The following ANXA11 variants were observed in gnomAD, a reference collection of about 807,000 sequenced individuals.
The protein encoded by ANXA11 is 56 kDa autoantigen.
Under a neutral mutation model 64.7 loss-of-function variants are expected in ANXA11, and 57 were observed. The ratio of observed to expected loss-of-function variants is 0.88; its 90% CI spans 0.71 to 1.10. ANXA11 has a LOEUF of 1.10. ANXA11 is among the 50% of genes least tolerant of loss of function. ANXA11 has a pLI of 0.00. For synonymous variants in ANXA11, 260 were observed against 265.2 expected (o/e 0.98, Z 0.19); for missense variants, 675 against 670.7 (o/e 1.01, Z -0.07).
chr10:80,162,031 GGA>G lies in ANXA11; in HGVS notation c.1087-5_1087-4del. The G allele has an allele frequency of 1.9e-6, 3 of 1,608,684 alleles. No homozygotes were observed. The highest frequency in any genetic ancestry group is 2.5e-6 in the Non-Finnish European group (3 of 1,178,656). ...TTCTCCCCGGCCGCATACAGCTCCT[GGA>G]GAGAGAGGAAGACGCACATGTGGCA... On this transcript the variant is annotated splice_polypyrimidine_tract_variant and splice_region_variant and intron_variant, in intron 11 of 15. Coordinates refer to ENST00000422982, the MANE Select transcript of ANXA11 (RefSeq NM_145868.2).
intron 1 of ANXA11, among the ~76,000 whole-genome samples, chr10:80,188,188 G>A (rs1055793044): frequency 4.6e-5 from 7 of 151,568 alleles, no homozygotes; most frequent in African/African-American, 1.7e-4. Context: ...ACACTCCCCC[G>A]TCAAGGGCCC....
rs2132483351 is a variant in ANXA11 at position 80,191,847 on chromosome 10, G to C, written c.-58+13496C>G. ...CAACCGGATGCCAGAGGCCAGCTCAGCACCTCAGAGACGACTCAGTTCACT... is the reference window on the plus strand; with the variant it reads ...CAACCGGATGCCAGAGGCCAGCTCACCACCTCAGAGACGACTCAGTTCACT... On this transcript the variant is annotated intron_variant, in intron 1 of 15. Coordinates refer to ENST00000422982, the MANE Select transcript of ANXA11 (RefSeq NM_145868.2). Among the ~76,000 whole-genome samples the C allele has an allele frequency of 2.0e-5, 3 of 152,318 alleles. No homozygotes were observed. The South Asian group carries it at 6.2e-4, about 32-fold the overall frequency.
chr10:80,185,779 G>A (rs1846515096), intron 1 of ANXA11, among the ~76,000 whole-genome samples: 1 of 152,200 alleles, frequency 6.6e-6, no homozygotes, highest in African/African-American at 2.4e-5. Flanking sequence ...GAATGGCTGA[G>A]CCAGGCAGTC....
intron 1 of ANXA11, among the ~76,000 whole-genome samples, chr10:80,196,482 C>T (rs1840175886): frequency 1.3e-5 from 2 of 152,134 alleles, no homozygotes; most frequent in South Asian, 2.1e-4. Context: ...TTACGTAGGC[C>T]CCAGGAATTC....
At position 80,153,249 on chromosome 10, in the gene ANXA11, G is replaced by A. The variant is rs1013399506; in HGVS notation, c.*2604C>T. On this transcript the variant is annotated 3_prime_UTR_variant, in exon 16 of 16. Coordinates refer to ENST00000422982, the MANE Select transcript of ANXA11 (RefSeq NM_145868.2). ...GCAAATAAGGAGTACAGGCCTAAAG[G>A]GGCAGCTGCAACTCAGCTCCAGCCA... 6.6e-6 allele frequency: 1 copy of A among 152,142 alleles called. No individual in the cohort carries two copies. The highest frequency in any genetic ancestry group is 6.6e-5 in the Admixed American group (1 of 15,266). 9.4% of individuals were successfully genotyped at this position (152,142 alleles called of 1,614,324 possible). A position where few individuals can be genotyped will look rare whatever the true frequency, so the allele number is the denominator to read the frequency against.
intron 1 of ANXA11, among the ~76,000 whole-genome samples, chr10:80,196,600 G>T (rs1053157231): frequency 6.6e-6 from 1 of 152,156 alleles, no homozygotes; most frequent in Admixed American, 6.5e-5. Context: ...CTACTGAGAA[G>T]GGGGTGGGGG....
At chr10:80,155,974 G>A in intron 15 of ANXA11, 62 bp from the exon 16 acceptor site, 2 of 1,541,242 alleles carry the variant, frequency 1.3e-6, no homozygotes, top group Non-Finnish European at 1.8e-6. Context: ...AGCCTTCTGG[G>A]TCCTGATATT....
chr10:80,193,221 C>A (rs978414006), intron 1 of ANXA11, among the ~76,000 whole-genome samples: 1 of 152,062 alleles, frequency 6.6e-6, no homozygotes, highest in Non-Finnish European at 1.5e-5. Flanking sequence ...TTTATGGTCA[C>A]AATAATGCAT....
At chr10:80,166,466 G>T in intron 7 of ANXA11, 1 of 454,298 alleles carries the variant, frequency 2.2e-6, no homozygotes, top group Non-Finnish European at 4.0e-6. Flanking sequence ...AATATTTACC[G>T]AATTTTTATC....
chr10:80,189,058 C>T (rs1428819373), intron 1 of ANXA11, among the ~76,000 whole-genome samples: 1 of 152,128 alleles, frequency 6.6e-6, no homozygotes. Context: ...CCTGTGAATG[C>T]GTTACTTTAG....
chr10:80,164,293 G>C (rs1368635443), intron 8 of ANXA11, 150 bp from the exon 9 acceptor site: 2 of 608,550 alleles, frequency 3.3e-6, no homozygotes, highest in Admixed American at 2.8e-5. Flanking sequence ...TCCCAGGCTC[G>C]AGGGCATCAG....
chr10:80,204,349 G>A (rs1364361035), intron 1 of ANXA11, among the ~76,000 whole-genome samples: 1 of 152,248 alleles, frequency 6.6e-6, no homozygotes, highest in Non-Finnish European at 1.5e-5. Flanking sequence ...AAAGGAATGA[G>A]GAAAGCAATG....
At chr10:80,178,714 G>A (rs1027071899) in intron 1 of ANXA11, among the ~76,000 whole-genome samples, 1 of 152,242 alleles carries the variant, frequency 6.6e-6, no homozygotes, top group South Asian at 2.1e-4. Flanking sequence ...GGCCCAAAAA[G>A]TTGCATTTCC....
intron 13 of ANXA11, 79 bp downstream of exon 13, chr10:80,159,021 T>C: frequency 9.3e-7 from 1 of 1,077,764 alleles, no homozygotes; most frequent in Non-Finnish European, 1.4e-6. Flanking sequence ...ACCCATCAGC[T>C]GGAGGACAGG....
chr10:80,172,698 G>A (rs1047717742), intron 3 of ANXA11, 109 bp downstream of exon 3: 26 of 1,131,430 alleles, frequency 2.3e-5, no homozygotes, highest in Middle Eastern at 5.4e-4. Context: ...CTGCTGGGCC[G>A]TGCTGTGAGG....
chr10:80,194,640 G>A (rs1445293342), intron 1 of ANXA11, among the ~76,000 whole-genome samples: 3 of 152,074 alleles, frequency 2.0e-5, no homozygotes, highest in Non-Finnish European at 2.9e-5. Flanking sequence ...TCCCAGCCTC[G>A]TCTACCTCAC....
At chr10:80,172,988 T>C (rs1846038724) in intron 2 of ANXA11, 119 bp from the exon 3 acceptor site, 1 of 824,178 alleles carries the variant, frequency 1.2e-6, no homozygotes, top group Admixed American at 2.1e-5. Flanking sequence ...AAGAAACTGC[T>C]GCATCTGCCC....
At chr10:80,189,128 G>A (rs1391408850) in intron 1 of ANXA11, among the ~76,000 whole-genome samples, 1 of 152,240 alleles carries the variant, frequency 6.6e-6, no homozygotes, top group African/African-American at 2.4e-5. Flanking sequence ...GGGGAGACTA[G>A]CCTAGATTAT....
intron 1 of ANXA11, among the ~76,000 whole-genome samples, chr10:80,186,893 G>A (rs1846561827): frequency 6.6e-6 from 1 of 152,206 alleles, no homozygotes; most frequent in South Asian, 2.1e-4. Context: ...CACCTCTGAG[G>A]CCTGCCCACA....
Sources: allele counts gnomAD v4.1 joint callset (sites outside exome capture counted in the v4.1 genomes callset), GRCh38; gene constraint gnomAD v4.1.1; transcripts MANE v1.5; gene names NCBI Gene and HGNC (gene_info 2026-07-23, HGNC 2026-07-21).